KHDRBS2: variants seen among roughly 807,000 people sequenced by gnomAD.
KHDRBS2 encodes the protein KH domain-containing, RNA-binding, signal transduction-associated protein 2.
A neutral mutation model predicts 44.3 loss-of-function variants in KHDRBS2; 26 were observed. That is an observed-to-expected ratio of 0.59 (90% CI 0.43 to 0.81). KHDRBS2 has a LOEUF of 0.81. Among genes scored for constraint, KHDRBS2 ranks in the 40% least tolerant of loss-of-function variants. KHDRBS2 has a pLI of 0.00. For missense variants in KHDRBS2, 476 were observed against 433.1 expected, an observed-to-expected ratio of 1.10 and a Z score of -0.88; for synonymous variants, 194 against 151.1, an observed-to-expected ratio of 1.28 and a Z score of -2.08.
intron 2 of KHDRBS2, among the ~76,000 whole-genome samples, chr6:62,129,531 A>G (rs1809769050): frequency 6.6e-6 from 1 of 152,174 alleles, no homozygotes; most frequent in Admixed American, 6.5e-5. Context: ...AATGGCTTAA[A>G]TATCTTAACA....
At chr6:61,932,461 ACTCT>A (rs1762243445) in intron 4 of KHDRBS2, among the ~76,000 whole-genome samples, 1 of 151,942 alleles carries the variant, frequency 6.6e-6, no homozygotes, top group South Asian at 2.1e-4. Context: ...CCATCATTCT[ACTCT>A]CTATTTCCGT....
Position 62,047,865 on chromosome 6 carries a change from C to A in KHDRBS2, c.336+13G>T. On this transcript the variant is annotated intron_variant, in intron 3 of 8. Coordinates refer to ENST00000281156, the MANE Select transcript of KHDRBS2 (RefSeq NM_152688.4). The stretch of plus-strand genomic sequence containing the variant: ...TCCTGAATGTGGTAAATATTAGATT[C>A]AAAGTTCAGTACCTTAGCTTTATCT... 6.5e-7 allele frequency: 1 copy of A among 1,532,224 alleles called. No individual in the cohort carries two copies. Among genetic ancestry groups the A allele is most frequent in the Non-Finnish European group, 9.0e-7 (1 of 1,105,980 alleles). 94.9% of individuals were successfully genotyped at this position (1,532,224 alleles called of 1,614,324 possible).
At chr6:62,173,184 T>TA (rs1398899284) in intron 2 of KHDRBS2, among the ~76,000 whole-genome samples, 1 of 147,132 alleles carries the variant, frequency 6.8e-6, no homozygotes, top group Non-Finnish European at 1.5e-5. Flanking sequence ...AACCACTAGC[T>TA]AGACTAATAA....
At chr6:62,181,264 A>G (rs898374525) in intron 1 of KHDRBS2, among the ~76,000 whole-genome samples, 3 of 152,136 alleles carry the variant, frequency 2.0e-5, no homozygotes, top group South Asian at 2.1e-4. Context: ...TGTGACTTAC[A>G]GAATGGAATG....
chr6:61,970,836 G>A (rs2127399077), intron 4 of KHDRBS2, among the ~76,000 whole-genome samples: 1 of 152,218 alleles, frequency 6.6e-6, no homozygotes, highest in Admixed American at 6.6e-5. Flanking sequence ...ACTGTACAAG[G>A]AGATGAATGA....
In KHDRBS2 at chr6:61,914,942, G is replaced by A. The variant is rs1806724445; in HGVS notation, c.484-13571C>T. 2.0e-5 allele frequency among the ~76,000 whole-genome samples: 3 copies of A among 152,238 alleles called. No individual in the cohort carries two copies. In the South Asian group the frequency reaches 6.2e-4, roughly 32 times the overall value. ...GAGCAATCCAGGTAGATGTCCATGT[G>A]TGAAGTCACGAAGCCATGACAGAAA... On this transcript the variant is annotated intron_variant, in intron 4 of 8. Transcript: ENST00000281156.
At chr6:61,887,709 C>A (rs1197345542) in intron 6 of KHDRBS2, among the ~76,000 whole-genome samples, 1 of 152,122 alleles carries the variant, frequency 6.6e-6, no homozygotes, top group East Asian at 1.9e-4. Flanking sequence ...TAAAAGGAAG[C>A]TTTACTAAGA....
chr6:62,022,238 A>T (rs1287604621), intron 3 of KHDRBS2, among the ~76,000 whole-genome samples: 1 of 151,740 alleles, frequency 6.6e-6, no homozygotes, highest in Non-Finnish European at 1.5e-5. Flanking sequence ...TTAAATAAAG[A>T]AGTAAAAATG....
chr6:61,945,193 A>C (rs1332799783), intron 4 of KHDRBS2, among the ~76,000 whole-genome samples: 1 of 115,170 alleles, frequency 8.7e-6, no homozygotes, highest in African/African-American at 3.1e-5. Flanking sequence ...TAATAGTAAG[A>C]TTTTATTAAT....
chr6:62,013,500 T>TAATAA (rs10679862), intron 3 of KHDRBS2, among the ~76,000 whole-genome samples: 1 of 151,520 alleles, frequency 6.6e-6, no homozygotes. Context: ...TATTATTTGA[T>TAATAA]TTTAGCAAAA....
intron 3 of KHDRBS2, among the ~76,000 whole-genome samples, chr6:61,983,207 T>TCTTTTCTTTCTTTC (rs1491433970): frequency 7.0e-4 from 46 of 65,338 alleles, no homozygotes; most frequent in African/African-American, 2.5e-3. Flanking sequence ...TCATTTTCTT[T>TCTTTTCTTTCTTTC]CTTTCTTTCT....
chr6:61,857,121 T>A (rs1384591747), intron 6 of KHDRBS2, among the ~76,000 whole-genome samples: 1 of 152,110 alleles, frequency 6.6e-6, no homozygotes. Flanking sequence ...TAGACTTTTA[T>A]TAAGTAACTA....
intron 2 of KHDRBS2, among the ~76,000 whole-genome samples, chr6:62,114,477 G>C (rs1316736156): frequency 6.6e-6 from 1 of 152,034 alleles, no homozygotes; most frequent in East Asian, 1.9e-4. Flanking sequence ...AAACGGAACA[G>C]AATGATATCA....
chr6:62,267,414 C>T (rs1021608548), intron 1 of KHDRBS2, among the ~76,000 whole-genome samples: 8 of 152,030 alleles, frequency 5.3e-5, no homozygotes, highest in Admixed American at 5.3e-4. Flanking sequence ...CAGAAACAGT[C>T]TTTTAGCTGC....
At position 61,848,506 on chromosome 6, in the gene KHDRBS2, TATATGTATATATGTATATATATATAC is replaced by T. The variant is rs1562294134; in HGVS notation, c.810+46103_810+46128del. The stretch of plus-strand genomic sequence containing the variant: ...ATATATATATGTATATATATATATA[TATATGTATATATGTATATATATATAC>T]ATATATATGTATATATATACATATA... On this transcript the variant is annotated intron_variant, in intron 6 of 8. Transcript: ENST00000281156. Among the ~76,000 whole-genome samples, 174 of 53,696 alleles carry T rather than the reference TATATGTATATATGTATATATATATAC, an allele frequency of 3.2e-3. 2 individuals are homozygous for T. Among genetic ancestry groups the T allele is most frequent in the South Asian group, 6.4e-3 (10 of 1,564 alleles). 35.2% of individuals were successfully genotyped at this position (53,696 alleles called of 152,430 possible).
At chr6:62,150,451 G>T (rs1442140366) in intron 2 of KHDRBS2, among the ~76,000 whole-genome samples, 1 of 152,190 alleles carries the variant, frequency 6.6e-6, no homozygotes, top group Non-Finnish European at 1.5e-5. Flanking sequence ...AGCGGCCACT[G>T]ATCACTGAGG....
intron 6 of KHDRBS2, among the ~76,000 whole-genome samples, chr6:61,803,614 G>T (rs182428897): frequency 2.0e-3 from 302 of 152,140 alleles, no homozygotes; most frequent in Non-Finnish European, 1.7e-3. Context: ...CATTGTCTTG[G>T]TAATTAACAT....
At chr6:61,984,642 C>A (rs186121603) in intron 3 of KHDRBS2, among the ~76,000 whole-genome samples, 90 of 152,264 alleles carry the variant, frequency 5.9e-4, no homozygotes, top group African/African-American at 1.8e-3. Context: ...TCATTAAAAT[C>A]TGAAAACTTC....
At chr6:61,897,274 T>G (rs759563681) in intron 5 of KHDRBS2, among the ~76,000 whole-genome samples, 17 of 152,220 alleles carry the variant, frequency 1.1e-4, no homozygotes, top group South Asian at 4.1e-4. Context: ...CAGGCCAATT[T>G]GGGAACCACT....
Sources: allele counts gnomAD v4.1 joint callset (sites outside exome capture counted in the v4.1 genomes callset), GRCh38; gene constraint gnomAD v4.1.1; transcripts MANE v1.5; gene names NCBI Gene and HGNC (gene_info 2026-07-23, HGNC 2026-07-21).